Variants in AMACR observed in about 807,000 individuals in gnomAD.
AMACR encodes alpha-methylacyl-CoA racemase.
In AMACR, 18 loss-of-function variants were observed where a neutral mutation model predicts 22.2. The observed-to-expected ratio is 0.81, with a 90% confidence interval of 0.56 to 1.20. The LOEUF (loss-of-function observed/expected upper bound fraction) is 1.20, where lower values mean the gene tolerates loss of function less well. AMACR is among the 50% of genes most tolerant of loss of function. The probability of loss-of-function intolerance (pLI) is 0.00; values close to 1 mark genes in which losing one functional copy is unlikely to be tolerated. For missense variants in AMACR, 499 were observed against 490.6 expected, an observed-to-expected ratio of 1.02 and a Z score of -0.16; for synonymous variants, 213 against 191.3, an observed-to-expected ratio of 1.11 and a Z score of -0.94.
intron 1 of AMACR, among the ~76,000 whole-genome samples, chr5:34,006,211 C>T (rs754110422): frequency 2.0e-5 from 3 of 152,134 alleles, no homozygotes; most frequent in Non-Finnish European, 4.4e-5. Flanking sequence ...TTTTCTATAC[C>T]GCATCAGTGT....
rs573155402 is a variant in AMACR, at chr5:34,004,601, G to C, written c.525C>G (p.Gly175=). ...TATTTGCATCAATGACCTGACCCTT[G>C]CCAGTGCGTGTGCGGTCAAAAAGAG... is the stretch of plus-strand genomic sequence containing the variant. The part of the protein sequence containing the change: ...IMALFDRTRT[G]KGQVIDANMV... Residue 175 remains glycine (G), a synonymous_variant, in exon 3 of 5, where the codon GGC becomes GGG. Coordinates refer to ENST00000335606, the MANE Select transcript of AMACR (RefSeq NM_014324.6). 4 of 1,614,118 alleles carry C rather than the reference G, an allele frequency of 2.5e-6. No homozygotes were observed. The South Asian group carries it at 4.4e-5, about 18-fold the overall frequency.
chr5:33,989,341 C>G lies in AMACR; in HGVS notation c.901G>C (p.Glu301Gln). ...TTGTGATCATGATGAACAACCTCCT[C>G]AAAAGTCAGAACCGGAGTCACACAG... is the stretch of plus-strand genomic sequence containing the variant. The part of the protein sequence containing the change: ...DACVTPVLTF[E>Q]EVVHHDHNKE... Residue 301 changes from glutamate (E) to glutamine (Q), a missense_variant, in exon 5 of 5, where the codon GAG becomes CAG. Glu to Gln is a conservative substitution (Grantham distance 29, BLOSUM62 2). Coordinates refer to ENST00000335606, the MANE Select transcript of AMACR (RefSeq NM_014324.6). 1 of 1,614,150 alleles carries G rather than the reference C, an allele frequency of 6.2e-7. No individual in the cohort carries two copies. The highest frequency in any genetic ancestry group is 8.5e-7 in the Non-Finnish European group (1 of 1,180,038).
At chr5:34,001,519 T>C (rs893288851) in intron 3 of AMACR, among the ~76,000 whole-genome samples, 1 of 152,198 alleles carries the variant, frequency 6.6e-6, no homozygotes, top group African/African-American at 2.4e-5. Flanking sequence ...TGTTTACACA[T>C]CCAGTTAGGT....
At chr5:33,992,039 C>T (rs1271774101) in intron 4 of AMACR, among the ~76,000 whole-genome samples, 6 of 152,120 alleles carry the variant, frequency 3.9e-5, no homozygotes, top group East Asian at 1.9e-4. Flanking sequence ...CCACCATGCC[C>T]GGCAAATTTT....
In AMACR at chr5:33,997,733, T is replaced by C. The variant is rs3756460; in HGVS notation, c.739+908A>G. ...GATAAACCATTGTGTTCTTCTATAG[T>C]TTTTCCAACTATATTTGAATAGGTG... On this transcript the variant is annotated intron_variant, in intron 4 of 4. Transcript: ENST00000335606. 3.4e-3 allele frequency: 1,903 copies of C among 560,860 alleles called. 54 individuals are homozygous for C. In the East Asian group the frequency reaches 0.05, roughly 15 times the overall value. The allele number at this position is 560,860 out of a possible 1,614,324, so 34.7% of individuals were successfully genotyped here.
At chr5:33,998,536 G>A in intron 4 of AMACR, 105 bp downstream of exon 4, 2 of 1,158,118 alleles carry the variant, frequency 1.7e-6, no homozygotes, top group Non-Finnish European at 1.2e-6. Flanking sequence ...ATTAGAAAGT[G>A]GCTATATAAT....
intron 3 of AMACR, among the ~76,000 whole-genome samples, chr5:34,001,247 A>G (rs1753806028): frequency 6.6e-6 from 1 of 152,242 alleles, no homozygotes; most frequent in Non-Finnish European, 1.5e-5. Flanking sequence ...TAACTGAGCA[A>G]CGAATGACTC....
rs535158711 is a variant in AMACR, at chr5:33,988,336, T to C, written c.*757A>G. On this transcript the variant is annotated 3_prime_UTR_variant, in exon 5 of 5. Transcript: ENST00000335606. The stretch of plus-strand genomic sequence containing the variant: ...TTTCTGGATGTTGCTGTGTGTTGGG[T>C]ATAAGATCCAGAACTTGCTACCAGC... 1.0e-5 allele frequency: 16 copies of C among 1,541,806 alleles called. No individual in the cohort carries two copies. Among genetic ancestry groups the C allele is most frequent in the Admixed American group, 1.9e-5 (1 of 51,430 alleles).
chr5:33,989,299 A>T lies in AMACR; in HGVS notation c.943T>A (p.Phe315Ile), dbSNP rs772334299. ...ACGTCCTGCTCCTCACTGGTGATAAACGAGCCCCGTTCCTTGTTGTGATCA... is the reference window on the plus strand; with the variant it reads ...ACGTCCTGCTCCTCACTGGTGATAATCGAGCCCCGTTCCTTGTTGTGATCA... ...HHDHNKERGSFITSEEQDVSP... is the reference protein window; with the variant it reads ...HHDHNKERGSIITSEEQDVSP... Residue 315 changes from phenylalanine to isoleucine, a missense_variant, in exon 5 of 5, where the codon TTT becomes ATT. By Grantham distance (21) the Phe-to-Ile change is conservative (BLOSUM62 0). Coordinates refer to ENST00000335606, the MANE Select transcript of AMACR (RefSeq NM_014324.6). The T allele has an allele frequency of 6.2e-7, 1 of 1,613,966 alleles. No homozygotes were observed. Among genetic ancestry groups the T allele is most frequent in the African/African-American group, 1.3e-5 (1 of 74,874 alleles).
chr5:33,988,596 G>A lies in AMACR; in HGVS notation c.*497C>T. 7.6e-7 allele frequency: 1 copy of A among 1,321,834 alleles called. No individual in the cohort carries two copies. The highest frequency in any genetic ancestry group is 3.0e-5 in the East Asian group (1 of 33,164). 81.9% of individuals were successfully genotyped at this position (1,321,834 alleles called of 1,614,324 possible). On this transcript the variant is annotated 3_prime_UTR_variant, in exon 5 of 5. Transcript: ENST00000335606. ...CAAATTACAAAGTGTGATAACTGTTGCTAAAGTTTGGAATGTGCTTAGAGG... is the reference window on the plus strand; with the variant it reads ...CAAATTACAAAGTGTGATAACTGTTACTAAAGTTTGGAATGTGCTTAGAGG...
chr5:33,996,166 T>TA (rs34284851), intron 4 of AMACR, among the ~76,000 whole-genome samples: 18,860 of 147,934 alleles, frequency 0.13, 1,188 homozygotes, highest in East Asian at 0.17. Flanking sequence ...GTTGATTTAA[T>TA]AAAAAAAAAA....
At chr5:34,004,320 AACAACGTAGGAATC>A (rs1753903591) in intron 3 of AMACR, among the ~76,000 whole-genome samples, 1 of 152,256 alleles carries the variant, frequency 6.6e-6, no homozygotes, top group South Asian at 2.1e-4. Flanking sequence ...ACCAACCTAA[AACAACGTAGGAATC>A]ACATGAGTCA....
rs575263204 is a variant in AMACR at position 33,989,277 on chromosome 5, T to C, written c.965A>G (p.Asp322Gly). 6.2e-7 allele frequency: 1 copy of C among 1,614,088 alleles called. No homozygotes were observed. Among genetic ancestry groups the C allele is most frequent in the African/African-American group, 1.3e-5 (1 of 75,004 alleles). The change falls in exon 5 of 5, where the codon GAC (aspartate) becomes GGC (glycine). Residue 322 changes from aspartate (D) to glycine (G), a missense_variant. By Grantham distance (94) the Asp-to-Gly change is moderately conservative. Transcript: ENST00000335606. ...CAGAGGTGCAGGGCGGGGGCTCACGTCCTGCTCCTCACTGGTGATAAACGA... is the reference window on the plus strand; with the variant it reads ...CAGAGGTGCAGGGCGGGGGCTCACGCCCTGCTCCTCACTGGTGATAAACGA... Reference protein sequence around the residue: ...RGSFITSEEQDVSPRPAPLLL... With the variant: ...RGSFITSEEQGVSPRPAPLLL...
Position 33,998,817 on chromosome 5 carries a change from G to C in AMACR, c.563C>G (p.Thr188Arg), listed in dbSNP as rs749650326. Residue 188 changes from threonine to arginine, a missense_variant, in exon 4 of 5, where the codon ACA (threonine) becomes AGA (arginine). By Grantham distance (71) the Thr-to-Arg change is moderately conservative. Coordinates refer to ENST00000335606, the MANE Select transcript of AMACR (RefSeq NM_014324.6). ...CCACAGAAAAGAACTTAAATATGCTGTTCCTTCCACCTTTGAGAAAACAGA... is the reference window on the plus strand; with the variant it reads ...CCACAGAAAAGAACTTAAATATGCTCTTCCTTCCACCTTTGAGAAAACAGA... The part of the protein sequence containing the change: ...QVIDANMVEG[T>R]AYLSSFLWKT... 3 of 1,613,930 alleles carry C rather than the reference G, an allele frequency of 1.9e-6. No homozygotes were observed. The highest frequency in any genetic ancestry group is 2.5e-6 in the Non-Finnish European group (3 of 1,179,880).
chr5:34,007,888 G>T lies in AMACR; in HGVS notation c.132C>A (p.Ser44Arg), dbSNP rs1301685691. Reference sequence around the variant, plus strand: ...GCGAGCGCTTGCCCCGGCCCAAGCGGCTCACGTCGTAGCGGGAGCCGGGCC... The same window carrying T: ...GCGAGCGCTTGCCCCGGCCCAAGCGTCTCACGTCGTAGCGGGAGCCGGGCC... ...VDRPGSRYDV[S>R]RLGRGKRSLV... The change falls in exon 1 of 5, where the codon AGC (serine) becomes AGA (arginine). Residue 44 changes from serine to arginine, a missense_variant. Physicochemically the swap from Ser to Arg is moderately radical, Grantham distance 110. Transcript: ENST00000335606. The T allele has an allele frequency of 1.3e-6, 2 of 1,599,394 alleles. No individual in the cohort carries two copies. The highest frequency in any genetic ancestry group is 1.7e-6 in the Non-Finnish European group (2 of 1,175,256).
At chr5:34,005,923 C>T in intron 1 of AMACR, 24 bp from the exon 2 acceptor site, 1 of 1,613,716 alleles carries the variant, frequency 6.2e-7, no homozygotes, top group Non-Finnish European at 8.5e-7. Context: ...TAACGATCTT[C>T]TTAAGAGAGT....
intron 4 of AMACR, among the ~76,000 whole-genome samples, chr5:33,996,462 C>T (rs1753638720): frequency 6.6e-6 from 1 of 151,994 alleles, no homozygotes; most frequent in African/African-American, 2.4e-5. Flanking sequence ...CATATAGTGC[C>T]TCAGAAAAAG....
chr5:33,996,456 T>C (rs1028853302), intron 4 of AMACR, among the ~76,000 whole-genome samples: 1 of 152,134 alleles, frequency 6.6e-6, no homozygotes, highest in African/African-American at 2.4e-5. Flanking sequence ...TTAAGGCATA[T>C]AGTGCCTCAG....
intron 3 of AMACR, among the ~76,000 whole-genome samples, chr5:34,004,208 C>G (rs140018601): frequency 1.3e-5 from 2 of 152,100 alleles, no homozygotes. Context: ...TTTTGAATGA[C>G]GACTGCTTGA....
Sources: gnomAD v4.1 joint callset for allele counts (sites outside exome capture counted in the v4.1 genomes callset) on GRCh38, gnomAD v4.1.1 for gene constraint, MANE v1.5 for transcripts, NCBI Gene and HGNC (gene_info 2026-07-23, HGNC 2026-07-21) for gene names.